Variants in TMOD2 observed in about 807,000 individuals in gnomAD.
TMOD2 encodes tropomodulin 2.
In TMOD2, 22 loss-of-function variants were observed where a neutral mutation model predicts 39.9. The observed-to-expected ratio is 0.55, with a 90% CI of 0.39 to 0.79. TMOD2 has a LOEUF of 0.79. Ranked by LOEUF, TMOD2 falls within the 30% of genes least tolerant of loss-of-function variation. The pLI is 0.00. For synonymous variants in TMOD2, 123 were observed against 146.1 expected, an observed-to-expected ratio of 0.84 and a Z score of 1.14; for missense variants, 386 against 413.3, an observed-to-expected ratio of 0.93 and a Z score of 0.57.
intron 7 of TMOD2, among the ~76,000 whole-genome samples, chr15:51,787,468 G>A (rs980994504): frequency 2.6e-5 from 4 of 152,250 alleles, no homozygotes; most frequent in African/African-American, 9.6e-5. Context: ...AGACTTAAAT[G>A]TCCCTGCCTG....
intron 1 of TMOD2, among the ~76,000 whole-genome samples, chr15:51,754,793 G>A (rs1038466732): frequency 6.6e-6 from 1 of 152,172 alleles, no homozygotes; most frequent in Admixed American, 6.5e-5. Context: ...TTGTATATGG[G>A]GATGTAAATG....
At chr15:51,768,722 C>T (rs766384786) in intron 3 of TMOD2, among the ~76,000 whole-genome samples, 2 of 151,282 alleles carry the variant, frequency 1.3e-5, no homozygotes, top group Non-Finnish European at 2.9e-5. Context: ...GGAAATAAGC[C>T]CATGAACTAG....
rs2056155066 is a variant in TMOD2, at chr15:51,811,292, T to C, written c.*2838T>C. ...CCATTGTGATGGGGCATAATGTATATAAAATATTTTTCTATGTATTTGTTC... is the reference window on the plus strand; with the variant it reads ...CCATTGTGATGGGGCATAATGTATACAAAATATTTTTCTATGTATTTGTTC... On this transcript the variant is annotated 3_prime_UTR_variant, in exon 10 of 10. Transcript: ENST00000249700. 1 of 152,206 alleles carries C rather than the reference T, an allele frequency of 6.6e-6. No individual in the cohort carries two copies. The highest frequency in any genetic ancestry group is 6.5e-5 in the Admixed American group (1 of 15,280). 9.4% of individuals were successfully genotyped at this position (152,206 alleles called of 1,614,324 possible).
At chr15:51,753,768 A>G (rs2055723420) in intron 1 of TMOD2, among the ~76,000 whole-genome samples, 1 of 152,104 alleles carries the variant, frequency 6.6e-6, no homozygotes, top group Admixed American at 6.6e-5. Flanking sequence ...GAAAAAAAAA[A>G]AAAAGGATAG....
intron 9 of TMOD2, among the ~76,000 whole-genome samples, chr15:51,807,764 A>G (rs2056130056): frequency 6.6e-6 from 1 of 152,180 alleles, no homozygotes; most frequent in Non-Finnish European, 1.5e-5. Context: ...GCCAAATCCA[A>G]GAAAGTTCAA....
intron 5 of TMOD2, among the ~76,000 whole-genome samples, chr15:51,779,923 T>C (rs1223076873): frequency 6.6e-6 from 1 of 152,142 alleles, no homozygotes; most frequent in Non-Finnish European, 1.5e-5. Flanking sequence ...CTCAAGAAAC[T>C]CTCTTGCTTC....
At chr15:51,768,139 C>G (rs113465321) in intron 2 of TMOD2, 123 bp from the exon 3 acceptor site, 2 of 1,145,634 alleles carry the variant, frequency 1.7e-6, no homozygotes, top group Admixed American at 4.2e-5. Flanking sequence ...TCAGCTCACA[C>G]GCACATTCTG....
chr15:51,798,189 A>T lies in TMOD2; in HGVS notation c.733-8A>T, dbSNP rs1349834934. 9 of 1,566,154 alleles carry T rather than the reference A, an allele frequency of 5.7e-6. No individual in the cohort carries two copies. The highest frequency in any genetic ancestry group is 1.7e-4 in the Middle Eastern group (1 of 5,844). Reference sequence around the variant, plus strand: ...AATTCTAAGTTTTTTTTCTTTTTGCATCATAAGGCTTTTGCAGACATGCTG... The same window carrying T: ...AATTCTAAGTTTTTTTTCTTTTTGCTTCATAAGGCTTTTGCAGACATGCTG... On this transcript the variant is annotated splice_region_variant and splice_polypyrimidine_tract_variant and intron_variant, in intron 7 of 9. Transcript: ENST00000249700.
At chr15:51,762,637 G>A (rs2055789010) in intron 1 of TMOD2, among the ~76,000 whole-genome samples, 1 of 152,106 alleles carries the variant, frequency 6.6e-6, no homozygotes, top group African/African-American at 2.4e-5. Context: ...CCACAATCAA[G>A]GTAGTAAACA....
intron 3 of TMOD2, 67 bp from the exon 4 acceptor site, chr15:51,773,645 C>A: frequency 6.7e-7 from 1 of 1,487,654 alleles, no homozygotes; most frequent in Non-Finnish European, 9.0e-7. Flanking sequence ...GCATTCTCTG[C>A]TCAGTCTACT....
At chr15:51,795,608 TTC>T (rs2056045394) in intron 7 of TMOD2, among the ~76,000 whole-genome samples, 1 of 126,388 alleles carries the variant, frequency 7.9e-6, no homozygotes, top group Non-Finnish European at 1.7e-5. Flanking sequence ...CTTTCTTTCT[TTC>T]TTTCTTTCTT....
chr15:51,772,101 A>T (rs929451548), intron 3 of TMOD2, among the ~76,000 whole-genome samples: 1 of 152,188 alleles, frequency 6.6e-6, no homozygotes, highest in African/African-American at 2.4e-5. Context: ...AGTCTCCTGG[A>T]GAGTTCTCAT....
chr15:51,796,494 G>T (rs1053070529), intron 7 of TMOD2, among the ~76,000 whole-genome samples: 1 of 152,034 alleles, frequency 6.6e-6, no homozygotes, highest in African/African-American at 2.4e-5. Context: ...TCTGGGAGGG[G>T]CACCTTTCAA....
At chr15:51,767,857 T>C (rs1220395283) in intron 2 of TMOD2, among the ~76,000 whole-genome samples, 1 of 152,252 alleles carries the variant, frequency 6.6e-6, no homozygotes. Flanking sequence ...ACTTATCAGC[T>C]TTACTGCTTC....
At chr15:51,795,622 C>A (rs1308917105) in intron 7 of TMOD2, among the ~76,000 whole-genome samples, 1 of 120,182 alleles carries the variant, frequency 8.3e-6, no homozygotes, top group Non-Finnish European at 1.7e-5. Context: ...TTCTTTCTTT[C>A]TTTCTTTCTT....
Position 51,803,465 on chromosome 15 carries a change from G to A in TMOD2, c.877-2912G>A, listed in dbSNP as rs1595879564. Among the ~76,000 whole-genome samples, 7 of 152,230 alleles carry A rather than the reference G, an allele frequency of 4.6e-5. No individual in the cohort carries two copies. The South Asian group carries it at 1.5e-3, about 32-fold the overall frequency. On this transcript the variant is annotated intron_variant, in intron 8 of 9. Transcript: ENST00000249700. ...CAAAGTGCTGGGATTATAGGTGTGA[G>A]CCACCATGCCTGGCCCTATCTTCAT...
chr15:51,788,670 A>G (rs1169425249), intron 7 of TMOD2, among the ~76,000 whole-genome samples: 1 of 152,228 alleles, frequency 6.6e-6, no homozygotes, highest in African/African-American at 2.4e-5. Context: ...CTAACAGCGG[A>G]TCTCTCAAGC....
intron 5 of TMOD2, among the ~76,000 whole-genome samples, chr15:51,780,533 A>G (rs2055922570): frequency 6.6e-6 from 1 of 152,134 alleles, no homozygotes; most frequent in Admixed American, 6.5e-5. Flanking sequence ...ACTATTTTTG[A>G]GAATTCTTCC....
At chr15:51,773,613 A>G in intron 3 of TMOD2, 99 bp from the exon 4 acceptor site, 1 of 1,239,466 alleles carries the variant, frequency 8.1e-7, no homozygotes, top group Non-Finnish European at 1.1e-6. Flanking sequence ...GCTTAATTAT[A>G]TGGGTCTCAA....
Sources: allele counts gnomAD v4.1 joint callset (sites outside exome capture counted in the v4.1 genomes callset), GRCh38; gene constraint gnomAD v4.1.1; transcripts MANE v1.5; gene names NCBI Gene and HGNC (gene_info 2026-07-23, HGNC 2026-07-21).